The following ADAMTS17 variants were observed in gnomAD, a reference collection of about 807,000 sequenced individuals.
ADAMTS17 encodes the protein ADAM metallopeptidase with thrombospondin type 1 motif 17.
Under a neutral mutation model 141.5 loss-of-function variants are expected in ADAMTS17, and 113 were observed. The observed-to-expected ratio is 0.80, with a 90% CI of 0.69 to 0.93. ADAMTS17 has a LOEUF of 0.93. ADAMTS17 is among the 40% of genes least tolerant of loss of function. The pLI, the probability that ADAMTS17 is intolerant of heterozygous loss-of-function variation, is 0.00. For synonymous variants in ADAMTS17, 768 were observed against 630.6 expected (o/e 1.22, Z -3.27); for missense variants, 1,659 against 1,517.9 (o/e 1.09, Z -1.54).
intron 8 of ADAMTS17, among the ~76,000 whole-genome samples, chr15:100,173,184 TA>T (rs749284672): frequency 4.3e-4 from 66 of 152,288 alleles, no homozygotes; most frequent in Non-Finnish European, 7.5e-4. Context: ...ATAGTTTAAT[TA>T]TTTTTTTTCT....
At chr15:99,986,077 G>A (rs1375322056) in intron 20 of ADAMTS17, among the ~76,000 whole-genome samples, 1 of 152,198 alleles carries the variant, frequency 6.6e-6, no homozygotes, top group Non-Finnish European at 1.5e-5. Context: ...CTCCAGAAAT[G>A]CCGGCTGAAC....
chr15:100,140,478 C>CACAT (rs937859112), intron 10 of ADAMTS17, among the ~76,000 whole-genome samples: 2 of 69,074 alleles, frequency 2.9e-5, no homozygotes, highest in African/African-American at 3.9e-5. Context: ...CAGACACACA[C>CACAT]ACATACATAC....
chr15:100,139,299 C>T (rs2038504953), intron 10 of ADAMTS17, among the ~76,000 whole-genome samples: 1 of 152,186 alleles, frequency 6.6e-6, no homozygotes, highest in African/African-American at 2.4e-5. Flanking sequence ...AAATGATTTT[C>T]TAAGAATGTG....
At chr15:100,162,820 TTATATA>T (rs1042592635) in intron 8 of ADAMTS17, among the ~76,000 whole-genome samples, 1 of 141,622 alleles carries the variant, frequency 7.1e-6, no homozygotes, top group South Asian at 2.3e-4. Flanking sequence ...CACATACACA[TTATATA>T]TATGTGTATA....
At chr15:99,975,168 C>T (rs936268216) in intron 21 of ADAMTS17, among the ~76,000 whole-genome samples, 1 of 152,214 alleles carries the variant, frequency 6.6e-6, no homozygotes, top group Admixed American at 6.5e-5. Context: ...TTCTCAGGGA[C>T]TTGTATTTAG....
intron 7 of ADAMTS17, among the ~76,000 whole-genome samples, chr15:100,224,044 A>G (rs1330438172): frequency 1.3e-5 from 2 of 152,078 alleles, no homozygotes; most frequent in African/African-American, 2.4e-5. Flanking sequence ...TTATTGCTTT[A>G]TATTCACTGG....
chr15:100,341,920 C>G lies in ADAMTS17; in HGVS notation c.-21G>C. On this transcript the variant is annotated 5_prime_UTR_variant, in exon 1 of 22. Coordinates refer to ENST00000268070, the MANE Select transcript of ADAMTS17 (RefSeq NM_139057.4). ...CACATGGTACCCGGGACCGGCAGCCCCCCCGGACCGTGGCGGCGAAGCAGG... is the reference window on the plus strand; with the variant it reads ...CACATGGTACCCGGGACCGGCAGCCGCCCCGGACCGTGGCGGCGAAGCAGG... 6.5e-7 allele frequency: 1 copy of G among 1,549,010 alleles called. No individual in the cohort carries two copies. The highest frequency in any genetic ancestry group is 8.7e-7 in the Non-Finnish European group (1 of 1,146,366).
intron 7 of ADAMTS17, among the ~76,000 whole-genome samples, chr15:100,239,580 G>A (rs1312784812): frequency 2.6e-5 from 4 of 152,170 alleles, no homozygotes; most frequent in African/African-American, 9.6e-5. Context: ...TGAGAAGGGG[G>A]TCTCTCTCCA....
chr15:100,188,894 C>T (rs1567323049), intron 8 of ADAMTS17, among the ~76,000 whole-genome samples: 1 of 152,232 alleles, frequency 6.6e-6, no homozygotes. Flanking sequence ...ATCCCGAAAA[C>T]ACCCCCGCAG....
At chr15:100,040,667 T>C (rs1456613745) in intron 18 of ADAMTS17, among the ~76,000 whole-genome samples, 6 of 145,550 alleles carry the variant, frequency 4.1e-5, no homozygotes, top group African/African-American at 1.6e-4. Flanking sequence ...AACGAAGGGA[T>C]GGTCAAATGA....
chr15:100,082,615 T>C (rs995366709), intron 15 of ADAMTS17, among the ~76,000 whole-genome samples: 3 of 152,116 alleles, frequency 2.0e-5, no homozygotes, highest in Non-Finnish European at 4.4e-5. Context: ...CTGATAGTCA[T>C]ATTTTTAATT....
chr15:100,224,512 A>C (rs561701847), intron 7 of ADAMTS17, among the ~76,000 whole-genome samples: 5 of 147,032 alleles, frequency 3.4e-5, no homozygotes, highest in Non-Finnish European at 7.4e-5. Context: ...AAGAGAAAAC[A>C]AAAAAACCTC....
intron 7 of ADAMTS17, among the ~76,000 whole-genome samples, chr15:100,203,863 A>C (rs1309675658): frequency 2.6e-5 from 4 of 151,926 alleles, no homozygotes; most frequent in Admixed American, 2.0e-4. Flanking sequence ...CCATCACTGC[A>C]CTGCAGCCTG....
At chr15:100,340,635 G>T (rs932821120) in intron 2 of ADAMTS17, among the ~76,000 whole-genome samples, 2 of 152,062 alleles carry the variant, frequency 1.3e-5, no homozygotes. Context: ...ACACCTACAC[G>T]TACACAGGTA....
Position 100,054,042 on chromosome 15 carries a change from G to A in ADAMTS17, c.2150C>T (p.Ser717Leu), listed in dbSNP as rs143817747. 1.1e-3 allele frequency: 1,735 copies of A among 1,614,150 alleles called. 8 individuals carry two copies. The highest frequency in any genetic ancestry group is 7.6e-4 in the Non-Finnish European group (894 of 1,180,026). Residue 717 changes from serine (S) to leucine (L), a missense_variant, in exon 16 of 22, where the codon TCG (serine) becomes TTG (leucine). Physicochemically the swap from Ser to Leu is moderately radical, Grantham distance 145. Coordinates refer to ENST00000268070, the MANE Select transcript of ADAMTS17 (RefSeq NM_139057.4). ...SHARGTALKDSGKGSINSDWK... is the reference protein window; with the variant it reads ...SHARGTALKDLGKGSINSDWK... ...GTCACTGTTGATGGACCCCTTACCC[G>A]AGTCTTTGAGAGCTAGAAAGCAAGT... is the stretch of plus-strand genomic sequence containing the variant.
intron 7 of ADAMTS17, among the ~76,000 whole-genome samples, chr15:100,234,926 T>C (rs1469416958): frequency 2.0e-5 from 3 of 152,296 alleles, no homozygotes; most frequent in South Asian, 2.1e-4. Context: ...ATCTGGAATA[T>C]TGTGCAACCA....
At chr15:100,175,972 C>T (rs191045999) in intron 8 of ADAMTS17, among the ~76,000 whole-genome samples, 13 of 152,244 alleles carry the variant, frequency 8.5e-5, no homozygotes, top group African/African-American at 2.4e-4. Context: ...ACTTGGCAGC[C>T]GAAACAAGAT....
At chr15:100,336,080 A>C (rs548524053) in intron 2 of ADAMTS17, among the ~76,000 whole-genome samples, 2 of 152,392 alleles carry the variant, frequency 1.3e-5, no homozygotes, top group African/African-American at 4.8e-5. Context: ...AGACTGCTTC[A>C]CTTCATCGTC....
chr15:100,111,345 C>T (rs1220342974), intron 13 of ADAMTS17, among the ~76,000 whole-genome samples: 4 of 152,232 alleles, frequency 2.6e-5, no homozygotes, highest in East Asian at 1.9e-4. Context: ...ACTCATTTCC[C>T]GTGCTGGCAG....
Sources: gnomAD v4.1 joint callset for allele counts (sites outside exome capture counted in the v4.1 genomes callset) on GRCh38, gnomAD v4.1.1 for gene constraint, MANE v1.5 for transcripts, NCBI Gene and HGNC (gene_info 2026-07-23, HGNC 2026-07-21) for gene names.